Variants in MBTPS1 observed in about 807,000 individuals in gnomAD.
MBTPS1 encodes the protein membrane bound transcription factor peptidase, site 1.
A neutral mutation model predicts 127.8 loss-of-function variants in MBTPS1; 94 were observed. That is an observed-to-expected ratio of 0.74 (90% CI 0.62 to 0.87). MBTPS1 has a LOEUF of 0.87. MBTPS1 is among the 40% of genes least tolerant of loss of function. MBTPS1 has a pLI of 0.00. For synonymous variants in MBTPS1, 632 were observed against 509.4 expected, an observed-to-expected ratio of 1.24 and a Z score of -3.24; for missense variants, 1,636 against 1,353.2, an observed-to-expected ratio of 1.21 and a Z score of -3.28.
intron 12 of MBTPS1, among the ~76,000 whole-genome samples, chr16:84,073,084 T>A (rs185445276): frequency 1.1e-4 from 16 of 152,366 alleles, no homozygotes; most frequent in African/African-American, 3.8e-4. Context: ...TAATTTACTA[T>A]TTCTATATAA....
chr16:84,081,539 T>C (rs1386722261), intron 11 of MBTPS1: 4 of 377,244 alleles, frequency 1.1e-5, no homozygotes, highest in Non-Finnish European at 9.3e-6. Flanking sequence ...TAACCATTTA[T>C]ATTAAAGATC....
chr16:84,078,874 T>C (rs2085898247), intron 11 of MBTPS1, among the ~76,000 whole-genome samples: 1 of 152,194 alleles, frequency 6.6e-6, no homozygotes, highest in Admixed American at 6.5e-5. Context: ...CCTGATGTCA[T>C]GGTTACCTAA....
chr16:84,055,048 G>A (rs1443083143), intron 22 of MBTPS1, among the ~76,000 whole-genome samples: 1 of 152,232 alleles, frequency 6.6e-6, no homozygotes, highest in Non-Finnish European at 1.5e-5. Context: ...CCAGCTGAGT[G>A]GGAGGAGGAG....
At chr16:84,093,058 G>C (rs907239976) in intron 6 of MBTPS1, 130 bp downstream of exon 6, 7 of 691,880 alleles carry the variant, frequency 1.0e-5, no homozygotes, top group African/African-American at 1.8e-5. Context: ...CTGAGCATGC[G>C]TGCTGCAGTA....
At position 84,056,137 on chromosome 16, in the gene MBTPS1, T is replaced by G; in HGVS notation, c.2832-2A>C. 1 of 1,613,248 alleles carries G rather than the reference T, an allele frequency of 6.2e-7. No homozygotes were observed. The highest frequency in any genetic ancestry group is 1.7e-4 in the Middle Eastern group (1 of 6,042). On this transcript the variant is annotated splice_acceptor_variant, in intron 21 of 22. Coordinates refer to ENST00000343411, the MANE Select transcript of MBTPS1 (RefSeq NM_003791.4). LOFTEE classifies it high-confidence loss of function. Reference sequence around the variant, plus strand: ...AGCTTCTGATGTTTCCAAAGGTTACTTCAGGAAAATGGATTAAAACAAAAC... The same window carrying G: ...AGCTTCTGATGTTTCCAAAGGTTACGTCAGGAAAATGGATTAAAACAAAAC...
intron 20 of MBTPS1, 114 bp from the exon 21 acceptor site, chr16:84,059,542 G>GCCC: frequency 1.0e-6 from 1 of 980,380 alleles, no homozygotes; most frequent in Admixed American, 2.5e-5. Flanking sequence ...ACAGCACAGA[G>GCCC]CCCCTGTGCT....
intron 18 of MBTPS1, among the ~76,000 whole-genome samples, chr16:84,065,053 T>G (rs1211580419): frequency 1.3e-5 from 2 of 152,012 alleles, no homozygotes; most frequent in East Asian, 3.8e-4. Flanking sequence ...CTTGGTAATC[T>G]GGCAATCACA....
intron 19 of MBTPS1, chr16:84,061,081 G>C (rs1003290986): frequency 3.8e-6 from 1 of 265,856 alleles, no homozygotes; most frequent in African/African-American, 2.2e-5. Flanking sequence ...GCCTCCCAAA[G>C]TGCTGGGATT....
intron 22 of MBTPS1, among the ~76,000 whole-genome samples, chr16:84,055,083 C>T (rs1232194431): frequency 6.6e-6 from 1 of 152,204 alleles, no homozygotes; most frequent in African/African-American, 2.4e-5. Flanking sequence ...GGAAGAAGCA[C>T]CGCTGGCAGT....
At chr16:84,085,830 T>C (rs1241291499) in intron 9 of MBTPS1, 3 of 151,662 alleles carry the variant, frequency 2.0e-5, no homozygotes, top group Non-Finnish European at 4.4e-5. Context: ...TAGAAATATG[T>C]TAGAAAAATT....
At chr16:84,109,302 C>T (rs891061167) in intron 1 of MBTPS1, among the ~76,000 whole-genome samples, 3 of 151,968 alleles carry the variant, frequency 2.0e-5, no homozygotes, top group African/African-American at 4.8e-5. Flanking sequence ...CTGAGCATCA[C>T]GATAAATAAT....
intron 4 of MBTPS1, among the ~76,000 whole-genome samples, 181 bp from the exon 5 acceptor site, chr16:84,094,002 A>G (rs1231327638): frequency 6.6e-6 from 1 of 152,202 alleles, no homozygotes; most frequent in African/African-American, 2.4e-5. Flanking sequence ...AGCCAAGGCT[A>G]AGAAAAGAGG....
chr16:84,079,162 T>TCC (rs2085902140), intron 11 of MBTPS1, among the ~76,000 whole-genome samples: 1 of 152,180 alleles, frequency 6.6e-6, no homozygotes, highest in South Asian at 2.1e-4. Context: ...ATGTGCTGGC[T>TCC]CCCCTTCACC....
intron 11 of MBTPS1, among the ~76,000 whole-genome samples, chr16:84,078,831 G>A (rs2085897616): frequency 1.3e-5 from 2 of 152,202 alleles, no homozygotes; most frequent in South Asian, 2.1e-4. Flanking sequence ...TCATTTGTGG[G>A]GTGGTGGGGG....
chr16:84,110,478 AAAC>A (rs1348028981), intron 1 of MBTPS1, among the ~76,000 whole-genome samples: 2 of 152,260 alleles, frequency 1.3e-5, no homozygotes, highest in Non-Finnish European at 2.9e-5. Flanking sequence ...TATTAAAAAA[AAAC>A]AACCTTTTAG....
chr16:84,080,113 G>A (rs190893777), intron 11 of MBTPS1, among the ~76,000 whole-genome samples: 13 of 152,274 alleles, frequency 8.5e-5, no homozygotes, highest in African/African-American at 2.9e-4. Context: ...CAACTAGATG[G>A]AGCTCCCAAC....
At chr16:84,070,556 A>G in intron 13 of MBTPS1, 32 bp downstream of exon 13, 1 of 1,605,664 alleles carries the variant, frequency 6.2e-7, no homozygotes, top group Non-Finnish European at 8.5e-7. Context: ...CAAACAGCTA[A>G]GAAAACAAGC....
rs569679630 is a variant in MBTPS1 at position 84,054,195 on chromosome 16, C to T, written c.*254G>A. ...TTCCAGTTCTCCCGAGTCTTTGGTG[C>T]GCACAGCTGCCGGCGGGAAGTCTCA... is the stretch of plus-strand genomic sequence containing the variant. On this transcript the variant is annotated 3_prime_UTR_variant, in exon 23 of 23. Coordinates refer to ENST00000343411, the MANE Select transcript of MBTPS1 (RefSeq NM_003791.4). 1.2e-4 allele frequency: 41 copies of T among 335,092 alleles called. 1 individual carries two copies. The South Asian group carries it at 2.4e-3, about 20-fold the overall frequency. The allele number at this position is 335,092 out of a possible 1,614,324, so 20.8% of individuals were successfully genotyped here. A position where few individuals can be genotyped will look rare whatever the true frequency, so the allele number is the denominator to read the frequency against.
intron 11 of MBTPS1, 53 bp downstream of exon 11, chr16:84,081,694 G>C: frequency 7.8e-7 from 1 of 1,279,480 alleles, no homozygotes. Flanking sequence ...GGGAAAATTC[G>C]CCCAGAGCCC....
Sources: allele counts gnomAD v4.1 joint callset (sites outside exome capture counted in the v4.1 genomes callset), GRCh38; gene constraint gnomAD v4.1.1; transcripts MANE v1.5; gene names NCBI Gene and HGNC (gene_info 2026-07-23, HGNC 2026-07-21).